DDX46: variants seen among roughly 807,000 people sequenced by gnomAD.
The protein encoded by DDX46 is DEAD-box helicase 46.
DDX46 carries 30 observed loss-of-function variants against 134.9 expected under a neutral mutation model. The observed-to-expected ratio is 0.22, with a 90% CI of 0.17 to 0.30. The LOEUF (loss-of-function observed/expected upper bound fraction) is 0.30. DDX46 is among the 10% of genes least tolerant of loss of function. DDX46 has a pLI of 1.00. For missense variants in DDX46, 622 were observed against 1,248.7 expected (o/e 0.50, Z 7.56); for synonymous variants, 415 against 404.1 (o/e 1.03, Z -0.32).
At chr5:134,815,728 A>G (rs913152727) in intron 18 of DDX46, among the ~76,000 whole-genome samples, 10 of 151,240 alleles carry the variant, frequency 6.6e-5, no homozygotes, top group Non-Finnish European at 1.3e-4. Context: ...AAAAAAAAAA[A>G]AAAAGAAATG....
intron 19 of DDX46, 195 bp downstream of exon 19, chr5:134,816,801 C>A: frequency 1.8e-6 from 1 of 563,340 alleles, no homozygotes; most frequent in Non-Finnish European, 3.0e-6. Flanking sequence ...GGACTTTGGG[C>A]CTATTCTGGA....
chr5:134,772,138 G>A (rs776275814), intron 4 of DDX46, among the ~76,000 whole-genome samples: 20 of 152,134 alleles, frequency 1.3e-4, no homozygotes, highest in Non-Finnish European at 2.9e-4. Context: ...GACTGAGGCA[G>A]GAGAATCACT....
intron 5 of DDX46, among the ~76,000 whole-genome samples, chr5:134,777,306 G>T (rs1412143308): frequency 6.6e-6 from 1 of 152,110 alleles, no homozygotes; most frequent in Non-Finnish European, 1.5e-5. Context: ...ACCTTTTTTG[G>T]CATAATTAAT....
intron 20 of DDX46, among the ~76,000 whole-genome samples, 162 bp from the exon 21 acceptor site, chr5:134,818,698 C>T (rs139744789): frequency 5.4e-5 from 8 of 147,602 alleles, no homozygotes; most frequent in Non-Finnish European, 8.9e-5. Context: ...GCGAAAACTC[C>T]GTCTCAAAAG....
In DDX46 at chr5:134,764,097, G is replaced by A; in HGVS notation, c.206+5G>A. On this transcript the variant is annotated splice_donor_5th_base_variant and intron_variant, in intron 2 of 22. Coordinates refer to ENST00000452510, the MANE Select transcript of DDX46 (RefSeq NM_001300860.2). ...AAGGGACAGGAAGCGTCTGAGGTAA[G>A]ACATTAATTAATTTCCAAAAGACGA... 1 of 1,590,724 alleles carries A rather than the reference G, an allele frequency of 6.3e-7. No homozygotes were observed. The highest frequency in any genetic ancestry group is 8.6e-7 in the Non-Finnish European group (1 of 1,168,516).
intron 15 of DDX46, among the ~76,000 whole-genome samples, chr5:134,806,157 G>T (rs183600429): frequency 6.6e-6 from 1 of 151,962 alleles, no homozygotes; most frequent in East Asian, 1.9e-4. Flanking sequence ...AGGTTGCAGT[G>T]AGTCCAGATC....
Position 134,767,066 on chromosome 5 carries a change from G to A in DDX46, c.350+6G>A, listed in dbSNP as rs761941120. On this transcript the variant is annotated splice_donor_region_variant and intron_variant, in intron 3 of 22. Transcript: ENST00000452510. ...AGCAAGAAAACTGAGAATAGGTAAT[G>A]TTATCATTGGGCTGCATCTATAGTG... The A allele has an allele frequency of 6.2e-7, 1 of 1,610,784 alleles. No individual in the cohort carries two copies. The highest frequency in any genetic ancestry group is 1.1e-5 in the South Asian group (1 of 90,714).
In DDX46 at chr5:134,794,927, G is replaced by T; in HGVS notation, c.1704G>T (p.Glu568Asp). 6.2e-7 allele frequency: 1 copy of T among 1,614,180 alleles called. No individual in the cohort carries two copies. ...MFSATFPRAMEALARRILSKP... is the reference protein window; with the variant it reads ...MFSATFPRAMDALARRILSKP... ...CAGCTACTTTCCCCAGAGCTATGGA[G>T]GCTTTGGCTCGCAGGATCCTCAGTA... Residue 568 changes from glutamate (E) to aspartate (D), a missense_variant, in exon 14 of 23, where the codon GAG (glutamate) becomes GAT (aspartate). Physicochemically the swap from Glu to Asp is conservative, Grantham distance 45 (BLOSUM62 2). Coordinates refer to ENST00000452510, the MANE Select transcript of DDX46 (RefSeq NM_001300860.2).
intron 6 of DDX46, among the ~76,000 whole-genome samples, chr5:134,778,863 CGTG>C: frequency 6.6e-6 from 1 of 150,604 alleles, no homozygotes; most frequent in African/African-American, 2.4e-5. Context: ...CGTGAACCAC[CGTG>C]CCCAGCCTCA....
chr5:134,813,592 T>A (rs1017044587), intron 18 of DDX46, among the ~76,000 whole-genome samples: 1 of 152,172 alleles, frequency 6.6e-6, no homozygotes, highest in African/African-American at 2.4e-5. Flanking sequence ...AATTACACAC[T>A]GTCACTTCCA....
intron 1 of DDX46, 91 bp from the exon 2 acceptor site, chr5:134,763,813 G>A: frequency 7.1e-7 from 1 of 1,404,242 alleles, no homozygotes; most frequent in Non-Finnish European, 9.5e-7. Flanking sequence ...TGTTAAATTT[G>A]TCTGCTGAAA....
intron 22 of DDX46, 28 bp downstream of exon 22, chr5:134,827,048 G>C (rs1410632039): frequency 6.3e-7 from 1 of 1,592,258 alleles, no homozygotes; most frequent in Non-Finnish European, 8.6e-7. Flanking sequence ...AGTTTCGTTT[G>C]TTTTGTTTTA....
intron 5 of DDX46, among the ~76,000 whole-genome samples, chr5:134,776,143 G>A (rs1383144539): frequency 6.6e-6 from 1 of 152,148 alleles, no homozygotes; most frequent in Non-Finnish European, 1.5e-5. Context: ...TGTAATCCCA[G>A]CGCTTTGGGA....
At chr5:134,822,194 G>C (rs906914642) in intron 21 of DDX46, among the ~76,000 whole-genome samples, 4 of 151,678 alleles carry the variant, frequency 2.6e-5, no homozygotes, top group Non-Finnish European at 2.9e-5. Flanking sequence ...TTTTCTTAGC[G>C]GTTACTCAGT....
chr5:134,771,070 C>CCTCTTTCTTTCTTTCTTT (rs1753751810), intron 4 of DDX46, 71 bp downstream of exon 4: 1 of 639,308 alleles, frequency 1.6e-6, no homozygotes, highest in Non-Finnish European at 2.6e-6. Context: ...TCTTTCTTTC[C>CCTCTTTCTTTCTTTCTTT]CTCTTTCTTT....
chr5:134,811,340 C>T lies in DDX46; in HGVS notation c.2268C>T (p.Phe756=). Residue 756 remains phenylalanine (F), a synonymous_variant, in exon 17 of 23, where the codon TTC becomes TTT. Coordinates refer to ENST00000452510, the MANE Select transcript of DDX46 (RefSeq NM_001300860.2). ...ATTTAGAGAAACTGTGGAGTGATTT[C>T]AAAGATCAGCAGAAAGCTGTGAGTT... The part of the protein sequence containing the change: ...PPDLEKLWSD[F]KDQQKAEGKI... The T allele has an allele frequency of 6.2e-7, 1 of 1,613,974 alleles. No homozygotes were observed. Among genetic ancestry groups the T allele is most frequent in the Non-Finnish European group, 8.5e-7 (1 of 1,179,948 alleles).
intron 2 of DDX46, among the ~76,000 whole-genome samples, chr5:134,765,872 C>T (rs1345389297): frequency 1.3e-5 from 2 of 152,200 alleles, no homozygotes; most frequent in African/African-American, 2.4e-5. Flanking sequence ...GTCCTAGGAA[C>T]AATTTCACAC....
At chr5:134,762,478 A>G (rs1265997356) in intron 1 of DDX46, among the ~76,000 whole-genome samples, 1 of 152,038 alleles carries the variant, frequency 6.6e-6, no homozygotes, top group African/African-American at 2.4e-5. Flanking sequence ...CCTGTAATCC[A>G]TCCCAGCACT....
At chr5:134,780,188 A>G (rs6596184) in intron 6 of DDX46, among the ~76,000 whole-genome samples, 3,254 of 151,126 alleles carry the variant, frequency 0.022, 105 homozygotes, top group African/African-American at 0.075. Flanking sequence ...GTGTGTATGT[A>G]TATATGTATG....
Sources: allele counts gnomAD v4.1 joint callset (sites outside exome capture counted in the v4.1 genomes callset), GRCh38; gene constraint gnomAD v4.1.1; transcripts MANE v1.5; gene names NCBI Gene and HGNC (gene_info 2026-07-23, HGNC 2026-07-21).